Variants in VAC14 observed in about 807,000 individuals in gnomAD.
The protein encoded by VAC14 is VAC14 component of PIKFYVE complex.
VAC14 carries 47 observed loss-of-function variants against 85.3 expected under a neutral mutation model. The observed-to-expected ratio is 0.55, with a 90% CI of 0.44 to 0.70. The LOEUF is 0.70. Among genes scored for constraint, VAC14 ranks in the 30% least tolerant of loss-of-function variants. VAC14 has a pLI of 0.00. For synonymous variants in VAC14, 447 were observed against 430.5 expected (o/e 1.04, Z -0.47); for missense variants, 861 against 1,004.3 (o/e 0.86, Z 1.93).
chr16:70,740,551 C>T (rs76764819), intron 13 of VAC14, among the ~76,000 whole-genome samples: 2,323 of 152,308 alleles, frequency 0.015, 57 homozygotes, highest in African/African-American at 0.052. Flanking sequence ...CAGGGTACGG[C>T]GGGCCCACAG....
intron 7 of VAC14, 59 bp from the exon 8 acceptor site, chr16:70,782,062 C>G: frequency 1.3e-6 from 2 of 1,588,054 alleles, no homozygotes; most frequent in Non-Finnish European, 1.7e-6. Context: ...GTGCTCCCTC[C>G]CATTGACCAT....
rs2034789830 is a variant in VAC14, at chr16:70,801,132, C to T, written c.-232G>A. 4.7e-6 allele frequency: 2 copies of T among 425,160 alleles called. No homozygotes were observed. Among genetic ancestry groups the T allele is most frequent in the Admixed American group, 4.5e-5 (1 of 22,056 alleles). 26.3% of individuals were successfully genotyped at this position (425,160 alleles called of 1,614,324 possible). On this transcript the variant is annotated 5_prime_UTR_variant, in exon 1 of 19. In the 5' UTR this introduces an upstream ATG that the reference lacks. Transcript: ENST00000261776. ...TCCCGCCCGGCACTAGCGGGACTCACGAGACAGCGGCCATGTTACTCGAGT... is the reference window on the plus strand; with the variant it reads ...TCCCGCCCGGCACTAGCGGGACTCATGAGACAGCGGCCATGTTACTCGAGT...
intron 1 of VAC14, among the ~76,000 whole-genome samples, chr16:70,800,397 G>A (rs556915213): frequency 1.3e-5 from 2 of 152,332 alleles, no homozygotes; most frequent in Non-Finnish European, 2.9e-5. Context: ...AGCTGGGTAA[G>A]AAACCAGGCT....
chr16:70,785,934 G>C (rs1598012177), intron 2 of VAC14, 65 bp from the exon 3 acceptor site: 1 of 1,515,120 alleles, frequency 6.6e-7, no homozygotes, highest in Non-Finnish European at 8.9e-7. Context: ...GCAGCCTGCA[G>C]TGCCAGCTGA....
intron 14 of VAC14, among the ~76,000 whole-genome samples, chr16:70,717,749 C>G (rs2054197869): frequency 6.6e-6 from 1 of 152,124 alleles, no homozygotes; most frequent in Admixed American, 6.6e-5. Context: ...TCTGCTTAAG[C>G]CTCCCTCTCG....
chr16:70,693,116 A>C, intron 17 of VAC14, 145 bp from the exon 18 acceptor site: 1 of 1,143,182 alleles, frequency 8.7e-7, no homozygotes, highest in Non-Finnish European at 1.2e-6. Context: ...GTGTGGACCC[A>C]GCCAGGTGGC....
At chr16:70,793,255 G>C (rs12928270) in intron 1 of VAC14, among the ~76,000 whole-genome samples, 12,308 of 152,254 alleles carry the variant, frequency 0.081, 531 homozygotes, top group Middle Eastern at 0.14. Context: ...CTGGTCTTCT[G>C]TGAACGCAGG....
chr16:70,698,447 G>A (rs747782106), intron 15 of VAC14, among the ~76,000 whole-genome samples, 190 bp downstream of exon 15: 2 of 152,162 alleles, frequency 1.3e-5, no homozygotes, highest in South Asian at 4.1e-4. Flanking sequence ...GTGACGTGAC[G>A]CACCCATGGT....
At chr16:70,789,594 T>C (rs1469152137) in intron 1 of VAC14, among the ~76,000 whole-genome samples, 4 of 152,236 alleles carry the variant, frequency 2.6e-5, no homozygotes, top group Non-Finnish European at 4.4e-5. Context: ...GACCTTTAGT[T>C]TAATCGTGAG....
intron 9 of VAC14, among the ~76,000 whole-genome samples, chr16:70,779,439 T>C (rs1489626900): frequency 2.6e-5 from 4 of 152,182 alleles, no homozygotes; most frequent in Non-Finnish European, 5.9e-5. Context: ...GAAACTGTCA[T>C]TCACTTGTTT....
chr16:70,766,210 G>C (rs1327252349), intron 10 of VAC14, among the ~76,000 whole-genome samples: 2 of 151,794 alleles, frequency 1.3e-5, no homozygotes, highest in Non-Finnish European at 1.5e-5. Flanking sequence ...GGGGAAGCCT[G>C]GTGCTCCCCA....
At chr16:70,778,861 CA>C (rs1030904723) in intron 9 of VAC14, 1 of 152,114 alleles carries the variant, frequency 6.6e-6, no homozygotes, top group Non-Finnish European at 1.5e-5. Flanking sequence ...AATTAGAAAA[CA>C]AAAATCAAAC....
intron 14 of VAC14, among the ~76,000 whole-genome samples, chr16:70,726,930 C>T (rs74699916): frequency 0.021 from 3,151 of 152,324 alleles, 92 homozygotes; most frequent in African/African-American, 0.07. Context: ...TTGGGTACCC[C>T]GTTCTCACCC....
chr16:70,794,673 T>C (rs956424090), intron 1 of VAC14, among the ~76,000 whole-genome samples: 2 of 152,186 alleles, frequency 1.3e-5, no homozygotes, highest in Non-Finnish European at 2.9e-5. Flanking sequence ...CACTGTGAAA[T>C]TTCTCAATTT....
intron 14 of VAC14, among the ~76,000 whole-genome samples, chr16:70,722,122 C>T (rs2054308871): frequency 6.6e-6 from 1 of 152,222 alleles, no homozygotes; most frequent in African/African-American, 2.4e-5. Flanking sequence ...GACCCAAGGC[C>T]CCCACTCTCC....
chr16:70,785,787 G>T lies in VAC14; in HGVS notation c.338C>A (p.Ala113Asp). The T allele has an allele frequency of 1.3e-6, 2 of 1,593,398 alleles. No homozygotes were observed. The highest frequency in any genetic ancestry group is 1.7e-5 in the Admixed American group (1 of 57,746). Residue 113 changes from alanine (A) to aspartate (D), a missense_variant, in exon 3 of 19, where the codon GCC (alanine) becomes GAC (aspartate). Physicochemically the swap from Ala to Asp is moderately radical, Grantham distance 126. This residue lies in a region of VAC14 where 629 missense variants were observed against 703.1 expected (regional missense o/e 0.89). Transcript: ENST00000261776. ...NDADSRLRYYACEALYNIVKV... is the reference protein window; with the variant it reads ...NDADSRLRYYDCEALYNIVKV... ...GACGATGTTGTAGAGGGCCTCGCAG[G>T]CATAGTAGCGCAGCCTGCTGTCTGC...
intron 10 of VAC14, among the ~76,000 whole-genome samples, chr16:70,763,536 A>G (rs2032575756): frequency 1.3e-5 from 2 of 152,230 alleles, no homozygotes; most frequent in Admixed American, 1.3e-4. Flanking sequence ...TTCACCGGCC[A>G]TCTGAAGGAT....
intron 18 of VAC14, chr16:70,691,315 G>A (rs2053591377): frequency 4.1e-6 from 4 of 985,320 alleles, no homozygotes; most frequent in Non-Finnish European, 4.8e-6. Context: ...GGAGACTGGA[G>A]GTCACAGGGA....
At position 70,720,518 on chromosome 16, in the gene VAC14, G is replaced by A. The variant is rs117585990; in HGVS notation, c.1661+10977C>T. 1.4e-3 allele frequency among the ~76,000 whole-genome samples: 216 copies of A among 152,282 alleles called. 3 individuals carry two copies. The East Asian group carries it at 0.039, about 28-fold the overall frequency. ...CAAGCTGAAAACAAGACAGTGTCTC[G>A]GGCACGGTGGAGCTTCCAAGGCACC... is the stretch of plus-strand genomic sequence containing the variant. On this transcript the variant is annotated intron_variant, in intron 14 of 18. Coordinates refer to ENST00000261776, the MANE Select transcript of VAC14 (RefSeq NM_018052.5).
Sources: allele counts gnomAD v4.1 joint callset (sites outside exome capture counted in the v4.1 genomes callset), GRCh38; gene constraint gnomAD v4.1.1; regional missense constraint gnomAD v4.1.1; transcripts MANE v1.5; gene names NCBI Gene and HGNC (gene_info 2026-07-23, HGNC 2026-07-21).